The following ZNF445 variants were observed in gnomAD, a reference collection of about 807,000 sequenced individuals.
ZNF445 encodes zinc finger protein 445, also known as zinc finger protein 168.
ZNF445 carries 19 observed loss-of-function variants against 93.9 expected under a neutral mutation model. The ratio of observed to expected loss-of-function variants is 0.20; its 90% CI spans 0.14 to 0.30. The LOEUF (loss-of-function observed/expected upper bound fraction) is 0.30. Among genes scored for constraint, ZNF445 ranks in the 10% least tolerant of loss-of-function variants. ZNF445 has a pLI of 1.00. For synonymous variants in ZNF445, 449 were observed against 446.3 expected, an observed-to-expected ratio of 1.01 and a Z score of -0.08; for missense variants, 1,058 against 1,259.4, an observed-to-expected ratio of 0.84 and a Z score of 2.42.
rs1245359838 is a variant in ZNF445, at chr3:44,449,629, G to A, written c.821-6C>T. The A allele has an allele frequency of 6.2e-7, 1 of 1,606,260 alleles. No individual in the cohort carries two copies. The highest frequency in any genetic ancestry group is 8.5e-7 in the Non-Finnish European group (1 of 1,173,158). ...AGGTTTGGTGAATGGTCCCACTGCAGAAGAGAAGAGAATGGCATGAGAAGG... is the reference window on the plus strand; with the variant it reads ...AGGTTTGGTGAATGGTCCCACTGCAAAAGAGAAGAGAATGGCATGAGAAGG... On this transcript the variant is annotated splice_region_variant and splice_polypyrimidine_tract_variant and intron_variant, in intron 6 of 7. Transcript: ENST00000396077.
In ZNF445 at chr3:44,434,393, T is replaced by A. The variant is rs1312063155; in HGVS notation, c.*12182A>T. 6.6e-6 allele frequency: 1 copy of A among 150,814 alleles called. No homozygotes were observed. The highest frequency in any genetic ancestry group is 1.5e-5 in the Non-Finnish European group (1 of 67,802). 9.3% of individuals were successfully genotyped at this position (150,814 alleles called of 1,614,324 possible). On this transcript the variant is annotated 3_prime_UTR_variant, in exon 8 of 8. Transcript: ENST00000396077. ...CTCCACTCCAGCTCGAGCTACAGAG[T>A]GAGACTCTGTCTCAAAAAAGAAAAA...
In ZNF445 at chr3:44,447,111, T is replaced by A; in HGVS notation, c.2560A>T (p.Thr854Ser). The change falls in exon 8 of 8, where the codon ACC becomes TCC. Residue 854 changes from threonine to serine, a missense_variant. By Grantham distance (58) the Thr-to-Ser change is moderately conservative. This residue lies in a region of ZNF445 where 387 missense variants were observed against 475.7 expected (regional missense o/e 0.81). Coordinates refer to ENST00000396077, the MANE Select transcript of ZNF445 (RefSeq NM_181489.6). The surrounding 1 kb of genome is among the most constrained non-coding windows in gnomAD (Gnocchi z 4.7). ...ECGKTFTRKRTLLDHKGIHSG... is the reference protein window; with the variant it reads ...ECGKTFTRKRSLLDHKGIHSG... ...TGTATTCCCTTATGATCTAAAAGGG[T>A]TCTTTTACGTGTAAAGGTTTTCCCA... is the stretch of plus-strand genomic sequence containing the variant. 2 of 1,614,110 alleles carry A rather than the reference T, an allele frequency of 1.2e-6. No individual in the cohort carries two copies. The highest frequency in any genetic ancestry group is 1.7e-6 in the Non-Finnish European group (2 of 1,180,006).
intron 3 of ZNF445, 82 bp from the exon 4 acceptor site, chr3:44,451,564 T>G: frequency 1.3e-6 from 2 of 1,482,430 alleles, no homozygotes; most frequent in Non-Finnish European, 1.8e-6. Context: ...GACCAATCTC[T>G]GAAGGACAAA....
In ZNF445 at chr3:44,447,643, A is replaced by C. The variant is rs150371771; in HGVS notation, c.2028T>G (p.Ala676=). The change falls in exon 8 of 8, where the codon GCT becomes GCG. Residue 676 remains alanine (A), a synonymous_variant. Transcript: ENST00000396077. This position sits in a 1 kb window ranked among gnomAD's most constrained non-coding sequence, Gnocchi z 4.7. The part of the protein sequence containing the change: ...PDCSQPQGAP[A]VEKTFLCQQC... The stretch of plus-strand genomic sequence containing the variant: ...GCTGACACAGAAATGTTTTCTCCAC[A>C]GCGGGAGCACCCTGGGGCTGACTGC... 1 of 1,614,116 alleles carries C rather than the reference A, an allele frequency of 6.2e-7. No homozygotes were observed. Among genetic ancestry groups the C allele is most frequent in the Non-Finnish European group, 8.5e-7 (1 of 1,180,028 alleles).
chr3:44,462,731 CATGGCT>C (rs906314707), intron 1 of ZNF445, among the ~76,000 whole-genome samples: 3 of 151,670 alleles, frequency 2.0e-5, no homozygotes, highest in Non-Finnish European at 4.4e-5. Flanking sequence ...CCTGTGTGTC[CATGGCT>C]AAGTTACAAC....
chr3:44,474,851 G>A (rs891344408), intron 1 of ZNF445, among the ~76,000 whole-genome samples: 1 of 152,134 alleles, frequency 6.6e-6, no homozygotes, highest in Non-Finnish European at 1.5e-5. Context: ...AAGTTTGCTG[G>A]CCAGGCGCGG....
chr3:44,443,788 T>C lies in ZNF445; in HGVS notation c.*2787A>G, dbSNP rs1425436754. Reference sequence around the variant, plus strand: ...AAAAAAAATTCAGTTTTTCACTTCATTCTTTGCACATTTTAAAATTTGATT... The same window carrying C: ...AAAAAAAATTCAGTTTTTCACTTCACTCTTTGCACATTTTAAAATTTGATT... On this transcript the variant is annotated 3_prime_UTR_variant, in exon 8 of 8. Transcript: ENST00000396077. 2.6e-5 allele frequency: 4 copies of C among 151,836 alleles called. No homozygotes were observed. The highest frequency in any genetic ancestry group is 5.9e-5 in the Non-Finnish European group (4 of 67,988). 9.4% of individuals were successfully genotyped at this position (151,836 alleles called of 1,614,324 possible).
intron 1 of ZNF445, among the ~76,000 whole-genome samples, chr3:44,467,926 A>G (rs1698215958): frequency 6.6e-6 from 1 of 152,214 alleles, no homozygotes; most frequent in Admixed American, 6.5e-5. Context: ...CCCCAAACTA[A>G]TACTTTCAAA....
rs545032355 is a variant in ZNF445, at chr3:44,456,244, C to T, written c.-147-548G>A. 2.9e-4 allele frequency among the ~76,000 whole-genome samples: 44 copies of T among 151,900 alleles called. No individual in the cohort carries two copies. The Middle Eastern group carries it at 0.014, about 47-fold the overall frequency. On this transcript the variant is annotated intron_variant, in intron 2 of 7. Transcript: ENST00000396077. ...CAGCCTGGGCAACATGGCAAGACCC[C>T]GTCTCTACTAAAAGTACAAAAAATG... is the stretch of plus-strand genomic sequence containing the variant.
chr3:44,457,370 C>A (rs1450462202), intron 2 of ZNF445, among the ~76,000 whole-genome samples: 1 of 151,924 alleles, frequency 6.6e-6, no homozygotes, highest in Non-Finnish European at 1.5e-5. Flanking sequence ...CTCCTGGGCT[C>A]AAGCGATCCT....
rs1297716293 is a variant in ZNF445 at position 44,435,527 on chromosome 3, A to C, written c.*11048T>G. ...GTCTTCTGCACAGGCTGAGTAGGTG[A>C]GCTAAGTGGAGATGTGTTCCCGTCT... On this transcript the variant is annotated 3_prime_UTR_variant, in exon 8 of 8. Transcript: ENST00000396077. The C allele has an allele frequency of 2.6e-5, 4 of 152,202 alleles. No homozygotes were observed. The highest frequency in any genetic ancestry group is 9.7e-5 in the African/African-American group (4 of 41,442). The allele number at this position is 152,202 out of a possible 1,614,324, so 9.4% of individuals were successfully genotyped here.
At position 44,446,974 on chromosome 3, in the gene ZNF445, C is replaced by G; in HGVS notation, c.2697G>C (p.Gln899His). The G allele has an allele frequency of 6.2e-7, 1 of 1,614,244 alleles. No individual in the cohort carries two copies. Among genetic ancestry groups the G allele is most frequent in the South Asian group, 1.1e-5 (1 of 91,088 alleles). ...IHSTERPFKC[Q>H]WCGKEFIGRH... ...TCCCAATGAACTCTTTCCCACACCA[C>G]TGACATTTGAAAGGTCTCTCTGTAG... Residue 899 changes from glutamine (Q) to histidine (H), a missense_variant, in exon 8 of 8, where the codon CAG becomes CAC. By Grantham distance (24) the Gln-to-His change is conservative (BLOSUM62 0). This residue lies in a region of ZNF445 where 387 missense variants were observed against 475.7 expected (regional missense o/e 0.81). Coordinates refer to ENST00000396077, the MANE Select transcript of ZNF445 (RefSeq NM_181489.6). This position sits in a 1 kb window ranked among gnomAD's most constrained non-coding sequence, Gnocchi z 4.2.
Position 44,437,231 on chromosome 3 carries a change from T to C in ZNF445, c.*9344A>G, listed in dbSNP as rs1222885605. The C allele has an allele frequency of 6.6e-6, 1 of 152,186 alleles. No individual in the cohort carries two copies. Among genetic ancestry groups the C allele is most frequent in the African/African-American group, 2.4e-5 (1 of 41,446 alleles). The allele number at this position is 152,186 out of a possible 1,614,324, so 9.4% of individuals were successfully genotyped here. On this transcript the variant is annotated 3_prime_UTR_variant, in exon 8 of 8. Transcript: ENST00000396077. ...CAGTGAGGATGACCAGAGGTCATTCTCATCACCGTCTTGGTTTTGGTGGGT... is the reference window on the plus strand; with the variant it reads ...CAGTGAGGATGACCAGAGGTCATTCCCATCACCGTCTTGGTTTTGGTGGGT...
chr3:44,438,095 A>G lies in ZNF445; in HGVS notation c.*8480T>C, dbSNP rs1697725729. 6.6e-6 allele frequency: 1 copy of G among 152,006 alleles called. No homozygotes were observed. Among genetic ancestry groups the G allele is most frequent in the South Asian group, 2.1e-4 (1 of 4,840 alleles). The allele number at this position is 152,006 out of a possible 1,614,324, so 9.4% of individuals were successfully genotyped here. On this transcript the variant is annotated 3_prime_UTR_variant, in exon 8 of 8. Transcript: ENST00000396077. ...CTCTACAGATTCCCCAGGTTTCTATAAAAATTGGCAAAATTATGCAATTTG... is the reference window on the plus strand; with the variant it reads ...CTCTACAGATTCCCCAGGTTTCTATGAAAATTGGCAAAATTATGCAATTTG...
intron 1 of ZNF445, among the ~76,000 whole-genome samples, chr3:44,474,826 A>G (rs561974750): frequency 6.6e-6 from 1 of 152,298 alleles, no homozygotes; most frequent in East Asian, 1.9e-4. Flanking sequence ...AAAGTCTACA[A>G]TTATTCCAAA....
Position 44,448,162 on chromosome 3 carries a change from A to G in ZNF445, c.1509T>C (p.His503=), listed in dbSNP as rs1697905407. The G allele has an allele frequency of 1.2e-6, 2 of 1,614,060 alleles. No homozygotes were observed. Among genetic ancestry groups the G allele is most frequent in the Non-Finnish European group, 1.7e-6 (2 of 1,180,044 alleles). ...CTTTCTCTTGAGTGTGAAGTCTCTG[A>G]TGATACGCAAGATGGGAGCTATGAC... ...TFSHSSHLAY[H]QRLHTQEKAF... is the part of the protein sequence containing the mutation. The change falls in exon 8 of 8, where the codon CAT becomes CAC. Residue 503 remains histidine, a synonymous_variant. Coordinates refer to ENST00000396077, the MANE Select transcript of ZNF445 (RefSeq NM_181489.6).
intron 1 of ZNF445, among the ~76,000 whole-genome samples, chr3:44,465,159 A>G (rs897235356): frequency 6.6e-6 from 1 of 152,084 alleles, no homozygotes; most frequent in Non-Finnish European, 1.5e-5. Context: ...TTTAATTGAG[A>G]CCACTGGAGA....
intron 3 of ZNF445, among the ~76,000 whole-genome samples, chr3:44,452,761 T>C (rs1462620422): frequency 6.6e-6 from 1 of 152,208 alleles, no homozygotes; most frequent in East Asian, 1.9e-4. Context: ...TTTTTTAAAA[T>C]AGTACCCCAT....
At position 44,448,569 on chromosome 3, in the gene ZNF445, G is replaced by T; in HGVS notation, c.1102C>A (p.Pro368Thr). ...KSRQKDQCEN[P>T]IQVRVKKEET... ...TCTTTCTTAACTCTTACTTGTATGG[G>T]ATTTTCACATTGATCCTTCTGCCTG... The change falls in exon 8 of 8, where the codon CCC (proline) becomes ACC (threonine). Residue 368 changes from proline to threonine, a missense_variant. Physicochemically the swap from Pro to Thr is conservative, Grantham distance 38 (BLOSUM62 -1). Coordinates refer to ENST00000396077, the MANE Select transcript of ZNF445 (RefSeq NM_181489.6). The T allele has an allele frequency of 6.2e-7, 1 of 1,614,030 alleles. No homozygotes were observed. The highest frequency in any genetic ancestry group is 8.5e-7 in the Non-Finnish European group (1 of 1,180,038).
Sources: gnomAD v4.1 joint callset for allele counts (sites outside exome capture counted in the v4.1 genomes callset) on GRCh38, gnomAD v4.1.1 for gene constraint, gnomAD v4.1.1 regional missense constraint, Gnocchi (gnomAD v3.1) non-coding constraint, MANE v1.5 for transcripts, NCBI Gene and HGNC (gene_info 2026-07-23, HGNC 2026-07-21) for gene names.